ZNF701: variants seen among roughly 807,000 people sequenced by gnomAD.
ZNF701 encodes the protein zinc finger protein 701.
A neutral mutation model predicts 7.1 loss-of-function variants in ZNF701; 6 were observed. That is an observed-to-expected ratio of 0.84 (90% CI 0.46 to 1.66). The LOEUF (loss-of-function observed/expected upper bound fraction) is 1.66. ZNF701 is among the 40% of genes most tolerant of loss of function. The probability of loss-of-function intolerance (pLI) is 0.01; values close to 1 mark genes in which losing one functional copy is unlikely to be tolerated. For synonymous variants in ZNF701, 166 were observed against 188.2 expected (o/e 0.88, Z 0.97); for missense variants, 541 against 559.2 (o/e 0.97, Z 0.33).
In ZNF701 at chr19:52,585,906, T is replaced by C. The variant is rs1461600978; in HGVS notation, c.*2449T>C. On this transcript the variant is annotated 3_prime_UTR_variant, in exon 4 of 4. Coordinates refer to ENST00000391785, the MANE Select transcript of ZNF701 (RefSeq NM_018260.3). The stretch of plus-strand genomic sequence containing the variant: ...GGAAGGGGGAGGGTGTTAGGGAGAG[T>C]AGCCTTTGATCCTTTGTTACTTTGG... 6.6e-6 allele frequency: 1 copy of C among 152,128 alleles called. No homozygotes were observed. Among genetic ancestry groups the C allele is most frequent in the African/African-American group, 2.4e-5 (1 of 41,418 alleles). 9.4% of individuals were successfully genotyped at this position (152,128 alleles called of 1,614,324 possible). A position where few individuals can be genotyped will look rare whatever the true frequency, so the allele number is the denominator to read the frequency against.
chr19:52,582,837 T>C lies in ZNF701; in HGVS notation c.778T>C (p.Cys260Arg). The C allele has an allele frequency of 1.2e-6, 2 of 1,614,194 alleles. No individual in the cohort carries two copies. The highest frequency in any genetic ancestry group is 1.1e-5 in the South Asian group (1 of 91,084). Residue 260 changes from cysteine to arginine, a missense_variant, in exon 4 of 4, where the codon TGC (cysteine) becomes CGC (arginine). Cys to Arg is a radical substitution (Grantham distance 180). Coordinates refer to ENST00000391785, the MANE Select transcript of ZNF701 (RefSeq NM_018260.3). ...KDFHQKRYLA[C>R]HRCHTGENPY... Reference sequence around the variant, plus strand: ...CTTTCATCAGAAGCGATACCTTGCATGCCATAGATGTCACACTGGTGAGAA... The same window carrying C: ...CTTTCATCAGAAGCGATACCTTGCACGCCATAGATGTCACACTGGTGAGAA...
chr19:52,598,483 G>A, the ZNF701 span, among the ~76,000 whole-genome samples: 1 of 152,152 alleles, frequency 6.6e-6, no homozygotes, highest in Non-Finnish European at 1.5e-5. Context: ...GTTGCCGCGG[G>A]CACTGGCAAT....
intron 3 of ZNF701, among the ~76,000 whole-genome samples, chr19:52,578,503 C>T (rs1165950810): frequency 3.3e-5 from 5 of 152,078 alleles, no homozygotes. Flanking sequence ...TGGTAGTGGT[C>T]CCCCAGGCCC....
chr19:52,593,885 G>A, the ZNF701 span, among the ~76,000 whole-genome samples: 2 of 116,872 alleles, frequency 1.7e-5, 1 homozygote, highest in Admixed American at 1.8e-4. Flanking sequence ...GGGCGGCCAG[G>A]CAGAGACGCT....
chr19:52,574,949 C>CATAT (rs35653485), intron 2 of ZNF701, among the ~76,000 whole-genome samples: 277 of 151,112 alleles, frequency 1.8e-3, no homozygotes, highest in African/African-American at 5.8e-3. Flanking sequence ...ACAAAATTTG[C>CATAT]ATATATATAT....
At chr19:52,576,992 G>A (rs1205760698) in intron 3 of ZNF701, among the ~76,000 whole-genome samples, 1 of 150,058 alleles carries the variant, frequency 6.7e-6, no homozygotes, top group Admixed American at 6.7e-5. Context: ...ATAGTGTGTG[G>A]GGAAACTCTG....
chr19:52,593,389 G>A, the ZNF701 span, among the ~76,000 whole-genome samples: 2 of 113,430 alleles, frequency 1.8e-5, no homozygotes, highest in Non-Finnish European at 3.9e-5. Context: ...CCCGGATGGG[G>A]CGGCTGGCCT....
In ZNF701 at chr19:52,584,813, T is replaced by C. The variant is rs996163467; in HGVS notation, c.*1356T>C. ...GTGTTGATTAGTTCCAGTAGTATTT[T>C]GGTTGACTCAGGCCCCGCCCACCTC... is the stretch of plus-strand genomic sequence containing the variant. On this transcript the variant is annotated 3_prime_UTR_variant, in exon 4 of 4. Transcript: ENST00000391785. 6.6e-6 allele frequency: 1 copy of C among 152,252 alleles called. No homozygotes were observed. The highest frequency in any genetic ancestry group is 2.4e-5 in the African/African-American group (1 of 41,472). The allele number at this position is 152,252 out of a possible 1,614,324, so 9.4% of individuals were successfully genotyped here. A position where few individuals can be genotyped will look rare whatever the true frequency, so the allele number is the denominator to read the frequency against.
Position 52,582,605 on chromosome 19 carries a change from T to C in ZNF701, c.546T>C (p.Cys182=). The change falls in exon 4 of 4, where the codon TGT becomes TGC. Residue 182 remains cysteine, a synonymous_variant. Transcript: ENST00000391785. The part of the protein sequence containing the change: ...FSVSASQRIS[C]RPKTRISNKY... ...TTTCAGCATCCCAACGAATTTCCTG[T>C]AGGCCAAAAACTCGTATTTCTAATA... 3 of 1,614,182 alleles carry C rather than the reference T, an allele frequency of 1.9e-6. No homozygotes were observed. Among genetic ancestry groups the C allele is most frequent in the Non-Finnish European group, 2.5e-6 (3 of 1,180,030 alleles).
At chr19:52,596,582 A>ATGT in the ZNF701 span, 1 of 406,234 alleles carries the variant, frequency 2.5e-6, no homozygotes, top group Non-Finnish European at 5.0e-6. Flanking sequence ...CAAACCTTGC[A>ATGT]CATCATGGAC....
chr19:52,570,565 C>T (rs1356262271), intron 1 of ZNF701: 2 of 152,252 alleles, frequency 1.3e-5, no homozygotes, highest in East Asian at 1.9e-4. Flanking sequence ...CACTTCCTAT[C>T]GCGTAGTTTC....
chr19:52,578,693 C>G (rs924956985), intron 3 of ZNF701, among the ~76,000 whole-genome samples: 1 of 152,198 alleles, frequency 6.6e-6, no homozygotes, highest in Non-Finnish European at 1.5e-5. Flanking sequence ...TCTTTTAGTT[C>G]TTTGTAAACA....
Position 52,582,256 on chromosome 19 carries a change from C to A in ZNF701, c.197C>A (p.Thr66Lys). 6.2e-7 allele frequency: 1 copy of A among 1,608,596 alleles called. No individual in the cohort carries two copies. Among genetic ancestry groups the A allele is most frequent in the East Asian group, 2.2e-5 (1 of 44,828 alleles). The change falls in exon 4 of 4, where the codon ACA (threonine) becomes AAA (lysine). Residue 66 changes from threonine (T) to lysine (K), a missense_variant. Coordinates refer to ENST00000391785, the MANE Select transcript of ZNF701 (RefSeq NM_018260.3). The part of the protein sequence containing the change: ...KMFSSTGQGN[T>K]EVVHTGTLQI... ...TTCTCATCAACAGGACAAGGCAATA[C>A]AGAAGTGGTCCACACAGGGACATTG...
At chr19:52,574,793 T>C (rs964671593) in intron 2 of ZNF701, among the ~76,000 whole-genome samples, 27 of 152,284 alleles carry the variant, frequency 1.8e-4, no homozygotes, top group Admixed American at 1.2e-3. Flanking sequence ...CAAATTAAGC[T>C]GATGGAGACA....
In ZNF701 at chr19:52,574,068, A is replaced by C. The variant is rs1267955013; in HGVS notation, c.-71-9A>C. ...TCTGAGCAGTAAACAACATATTTCT[A>C]ACATTCAGGATTGACTTCTAAAGAC... On this transcript the variant is annotated splice_polypyrimidine_tract_variant and intron_variant, in intron 1 of 3. Coordinates refer to ENST00000391785, the MANE Select transcript of ZNF701 (RefSeq NM_018260.3). 8 of 1,609,890 alleles carry C rather than the reference A, an allele frequency of 5.0e-6. No individual in the cohort carries two copies. The highest frequency in any genetic ancestry group is 1.3e-5 in the African/African-American group (1 of 74,864).
intron 1 of ZNF701, chr19:52,573,276 G>T (rs1222914507): frequency 6.5e-6 from 1 of 153,016 alleles, no homozygotes; most frequent in Non-Finnish European, 1.5e-5. Flanking sequence ...GTCTTACTCT[G>T]TTGCCCTGGC....
intron 2 of ZNF701, among the ~76,000 whole-genome samples, chr19:52,575,525 G>A (rs1200614755): frequency 6.6e-6 from 1 of 151,294 alleles, no homozygotes; most frequent in Non-Finnish European, 1.5e-5. Flanking sequence ...TTTTGAGAGA[G>A]AGTCTTGCTT....
Position 52,585,607 on chromosome 19 carries a change from A to C in ZNF701, c.*2150A>C, listed in dbSNP as rs2060005685. The C allele has an allele frequency of 6.6e-6, 1 of 151,946 alleles. No homozygotes were observed. The highest frequency in any genetic ancestry group is 2.4e-5 in the African/African-American group (1 of 41,388). The allele number at this position is 151,946 out of a possible 1,614,324, so 9.4% of individuals were successfully genotyped here. On this transcript the variant is annotated 3_prime_UTR_variant, in exon 4 of 4. Transcript: ENST00000391785. Reference sequence around the variant, plus strand: ...AAAGAATGAAGCGGCGAAAGCAGAAATTTACTCAACCAAGAAAGCACCCCA... The same window carrying C: ...AAAGAATGAAGCGGCGAAAGCAGAACTTTACTCAACCAAGAAAGCACCCCA...
intron 3 of ZNF701, among the ~76,000 whole-genome samples, chr19:52,578,402 T>G (rs1052270742): frequency 9.9e-5 from 15 of 152,116 alleles, no homozygotes; most frequent in African/African-American, 3.6e-4. Flanking sequence ...ACTTAGAAGA[T>G]TCACCCTCCT....
Sources: gnomAD v4.1 joint callset for allele counts (sites outside exome capture counted in the v4.1 genomes callset) on GRCh38, gnomAD v4.1.1 for gene constraint, MANE v1.5 for transcripts, NCBI Gene and HGNC (gene_info 2026-07-23, HGNC 2026-07-21) for gene names.